Variants in GRID1 observed in about 807,000 individuals in gnomAD.
The protein encoded by GRID1 is glutamate receptor ionotropic, delta-1.
In GRID1, 28 loss-of-function variants were observed where a neutral mutation model predicts 98.0. The ratio of observed to expected loss-of-function variants is 0.29; its 90% confidence interval spans 0.21 to 0.39. The LOEUF (loss-of-function observed/expected upper bound fraction) is 0.39, where lower values mean the gene tolerates loss of function less well. Among genes scored for constraint, GRID1 ranks in the 10% least tolerant of loss-of-function variants. GRID1 has a pLI of 1.00. For missense variants in GRID1, 1,111 were observed against 1,340.5 expected, an observed-to-expected ratio of 0.83 and a Z score of 2.67; for synonymous variants, 553 against 538.5, an observed-to-expected ratio of 1.03 and a Z score of -0.37.
intron 3 of GRID1, among the ~76,000 whole-genome samples, chr10:86,174,573 T>C (rs1020147640): frequency 2.6e-5 from 4 of 152,126 alleles, no homozygotes; most frequent in Admixed American, 6.5e-5. Context: ...ATTCAGGACA[T>C]AGGCATGGGC....
At chr10:86,232,236 G>A (rs1846467598) in intron 2 of GRID1, among the ~76,000 whole-genome samples, 1 of 152,184 alleles carries the variant, frequency 6.6e-6, no homozygotes, top group African/African-American at 2.4e-5. Flanking sequence ...TTGTATTAGG[G>A]AGCCAGGAGA....
intron 2 of GRID1, among the ~76,000 whole-genome samples, chr10:86,353,944 G>C (rs964911996): frequency 3.3e-5 from 5 of 152,196 alleles, no homozygotes; most frequent in Admixed American, 6.5e-5. Flanking sequence ...CTGTTGGGAG[G>C]GGGGCTCGGC....
intron 2 of GRID1, among the ~76,000 whole-genome samples, chr10:86,210,102 G>C (rs1433694594): frequency 1.3e-5 from 2 of 152,108 alleles, no homozygotes; most frequent in African/African-American, 2.4e-5. Context: ...GGAGGAGAGA[G>C]AAAGGAAGCT....
chr10:85,978,685 G>A (rs1842505648), intron 4 of GRID1, among the ~76,000 whole-genome samples: 1 of 152,096 alleles, frequency 6.6e-6, no homozygotes, highest in Non-Finnish European at 1.5e-5. Context: ...TTGCCATACA[G>A]GGTCCTCCCT....
At chr10:86,287,914 G>A (rs1450934280) in intron 2 of GRID1, among the ~76,000 whole-genome samples, 2 of 151,704 alleles carry the variant, frequency 1.3e-5, no homozygotes, top group African/African-American at 2.4e-5. Flanking sequence ...AAGACTCCAG[G>A]AAATTGCTCC....
intron 12 of GRID1, among the ~76,000 whole-genome samples, chr10:85,714,212 C>T (rs543272797): frequency 2.0e-5 from 3 of 151,826 alleles, no homozygotes; most frequent in Non-Finnish European, 4.4e-5. Context: ...AACAAGAACA[C>T]ATGGATAGAT....
intron 12 of GRID1, among the ~76,000 whole-genome samples, chr10:85,690,546 C>A (rs1159348213): frequency 6.6e-6 from 1 of 152,082 alleles, no homozygotes; most frequent in African/African-American, 2.4e-5. Context: ...CAAGACATAC[C>A]AGGTCTATGA....
intron 4 of GRID1, among the ~76,000 whole-genome samples, chr10:86,056,313 A>G (rs1843571767): frequency 6.6e-6 from 1 of 152,240 alleles, no homozygotes; most frequent in African/African-American, 2.4e-5. Context: ...GGCCAAGGTC[A>G]GACTGTATAG....
intron 3 of GRID1, among the ~76,000 whole-genome samples, chr10:86,182,772 T>A (rs1444131752): frequency 6.6e-6 from 1 of 152,216 alleles, no homozygotes; most frequent in Non-Finnish European, 1.5e-5. Context: ...GTGACAGGAA[T>A]TCCAGCAAGT....
intron 4 of GRID1, among the ~76,000 whole-genome samples, chr10:85,923,464 AAAGGCTGGAGGGG>A (rs2131828486): frequency 6.6e-6 from 1 of 152,236 alleles, no homozygotes; most frequent in East Asian, 1.9e-4. Context: ...ACTGGCTGGG[AAAGGCTGGAGGGG>A]AAGGCTGGTT....
At chr10:86,287,782 T>G (rs1000085078) in intron 2 of GRID1, among the ~76,000 whole-genome samples, 1 of 127,316 alleles carries the variant, frequency 7.9e-6, no homozygotes, top group African/African-American at 3.1e-5. Flanking sequence ...CAGCCTAACT[T>G]CTGAGCCACA....
intron 4 of GRID1, among the ~76,000 whole-genome samples, chr10:86,046,630 C>T (rs1843428114): frequency 6.6e-6 from 1 of 152,128 alleles, no homozygotes; most frequent in African/African-American, 2.4e-5. Flanking sequence ...TTGGATATAA[C>T]AGTTAACCCT....
At chr10:86,279,347 T>C (rs1005298054) in intron 2 of GRID1, among the ~76,000 whole-genome samples, 8 of 152,236 alleles carry the variant, frequency 5.3e-5, no homozygotes, top group African/African-American at 1.4e-4. Flanking sequence ...TAAACGAAGA[T>C]AACCTGCCAA....
intron 2 of GRID1, among the ~76,000 whole-genome samples, chr10:86,289,527 G>A (rs1247649229): frequency 6.6e-6 from 1 of 150,714 alleles, no homozygotes; most frequent in African/African-American, 2.4e-5. Context: ...GCCCCCAACT[G>A]CCCCGTGCCA....
intron 8 of GRID1, among the ~76,000 whole-genome samples, chr10:85,767,571 G>GT (rs1181065953): frequency 6.6e-6 from 1 of 152,210 alleles, no homozygotes; most frequent in African/African-American, 2.4e-5. Context: ...TTTTGCTGAA[G>GT]TTTTGGGCCT....
At chr10:86,169,992 G>C (rs1845459153) in intron 3 of GRID1, among the ~76,000 whole-genome samples, 1 of 152,224 alleles carries the variant, frequency 6.6e-6, no homozygotes, top group Admixed American at 6.5e-5. Flanking sequence ...ACAGGCACCT[G>C]GCCCTGGGGT....
intron 13 of GRID1, among the ~76,000 whole-genome samples, chr10:85,639,032 G>C (rs1047865600): frequency 2.6e-5 from 4 of 152,204 alleles, no homozygotes; most frequent in Non-Finnish European, 4.4e-5. Flanking sequence ...GAGGTAGTTA[G>C]ACAGTTTCAT....
At chr10:85,780,748 C>T (rs959402362) in intron 8 of GRID1, among the ~76,000 whole-genome samples, 10 of 152,208 alleles carry the variant, frequency 6.6e-5, no homozygotes, top group South Asian at 2.1e-4. Context: ...GGGTGAGCTA[C>T]GCCTCCCTTC....
At chr10:85,732,916 C>T (rs181958010) in intron 8 of GRID1, among the ~76,000 whole-genome samples, 25 of 152,270 alleles carry the variant, frequency 1.6e-4, no homozygotes, top group Admixed American at 1.6e-3. Flanking sequence ...AGGCACACCA[C>T]ATTCCCTCCT....
Sources: gnomAD v4.1 joint callset for allele counts (sites outside exome capture counted in the v4.1 genomes callset) on GRCh38, gnomAD v4.1.1 for gene constraint, MANE v1.5 for transcripts, NCBI Gene and HGNC (gene_info 2026-07-23, HGNC 2026-07-21) for gene names.